Variants in LDB2 observed in about 807,000 individuals in gnomAD.
The protein encoded by LDB2 is LIM domain-binding protein 2.
In LDB2, 12 loss-of-function variants were observed where a neutral mutation model predicts 44.3. The ratio of observed to expected loss-of-function variants is 0.27; its 90% confidence interval spans 0.17 to 0.44. The LOEUF is 0.44. LDB2 is among the 20% of genes least tolerant of loss of function. The probability of loss-of-function intolerance (pLI) is 1.00; values close to 1 mark genes in which losing one functional copy is unlikely to be tolerated. For missense variants in LDB2, 344 were observed against 473.5 expected (o/e 0.73, Z 2.54); for synonymous variants, 164 against 174.8 (o/e 0.94, Z 0.49).
intron 5 of LDB2, among the ~76,000 whole-genome samples, chr4:16,550,050 A>T (rs1560442385): frequency 6.6e-6 from 1 of 152,188 alleles, no homozygotes; most frequent in Non-Finnish European, 1.5e-5. Flanking sequence ...TTCTTAAACA[A>T]TGTGATGTCC....
rs117657097 is a variant in LDB2, at chr4:16,850,404, G to A, written c.132+47950C>T. The stretch of plus-strand genomic sequence containing the variant: ...ATTTGATGGTTATATCTACATTATA[G>A]AAATATTGAGAAGATTAAGTAAATT... On this transcript the variant is annotated intron_variant, in intron 1 of 7. Transcript: ENST00000304523. Among the ~76,000 whole-genome samples, 966 of 152,154 alleles carry A rather than the reference G, an allele frequency of 6.3e-3. 10 individuals are homozygous for A. The highest frequency in any genetic ancestry group is 0.017 in the African/African-American group (723 of 41,520).
At chr4:16,644,072 C>T (rs1382425956) in intron 2 of LDB2, among the ~76,000 whole-genome samples, 1 of 152,208 alleles carries the variant, frequency 6.6e-6, no homozygotes, top group Non-Finnish European at 1.5e-5. Flanking sequence ...ACTCTCACAG[C>T]ACAGCTGTCT....
intron 2 of LDB2, among the ~76,000 whole-genome samples, chr4:16,724,195 T>C (rs766985147): frequency 6.6e-6 from 1 of 152,040 alleles, no homozygotes; most frequent in African/African-American, 2.4e-5. Flanking sequence ...CCAAAGTCCA[T>C]CTCTGGTCAG....
chr4:16,772,515 C>T (rs770279910), intron 1 of LDB2, among the ~76,000 whole-genome samples: 14 of 152,174 alleles, frequency 9.2e-5, no homozygotes, highest in Non-Finnish European at 1.8e-4. Flanking sequence ...TGATTACAAC[C>T]ACATCATAGA....
intron 1 of LDB2, among the ~76,000 whole-genome samples, chr4:16,809,198 C>T (rs970634594): frequency 1.3e-5 from 2 of 152,186 alleles, no homozygotes; most frequent in Admixed American, 6.5e-5. Context: ...GAAACAGCTA[C>T]ATTGACCAGA....
chr4:16,765,227 C>A (rs1001111347), intron 1 of LDB2, among the ~76,000 whole-genome samples: 7 of 152,184 alleles, frequency 4.6e-5, no homozygotes, highest in Admixed American at 4.6e-4. Context: ...AACATTCTTA[C>A]CACACCAGAA....
At chr4:16,525,171 G>T (rs4698154) in intron 5 of LDB2, among the ~76,000 whole-genome samples, 68,603 of 151,974 alleles carry the variant, frequency 0.45, 15,696 homozygotes, top group Non-Finnish European at 0.49. Context: ...AAAGACAGCT[G>T]TGTGCTGGGG....
At chr4:16,732,476 G>A (rs540268358) in intron 2 of LDB2, among the ~76,000 whole-genome samples, 12 of 152,188 alleles carry the variant, frequency 7.9e-5, no homozygotes, top group African/African-American at 2.6e-4. Flanking sequence ...AACTTATATC[G>A]AACAAATCAC....
At chr4:16,851,830 C>A (rs1328528360) in intron 1 of LDB2, among the ~76,000 whole-genome samples, 2 of 152,124 alleles carry the variant, frequency 1.3e-5, no homozygotes, top group South Asian at 2.1e-4. Flanking sequence ...AGAAATCAAG[C>A]AATGTCTCCA....
At chr4:16,739,282 C>T (rs542662352) in intron 2 of LDB2, among the ~76,000 whole-genome samples, 4 of 151,742 alleles carry the variant, frequency 2.6e-5, no homozygotes, top group South Asian at 2.1e-4. Flanking sequence ...TAAGTCATTA[C>T]GATTTCAAAA....
intron 2 of LDB2, among the ~76,000 whole-genome samples, chr4:16,692,069 A>G (rs1258827814): frequency 1.3e-5 from 2 of 152,170 alleles, no homozygotes; most frequent in Non-Finnish European, 1.5e-5. Flanking sequence ...ACAGTATTGA[A>G]TTATCATAAA....
At chr4:16,708,815 C>A (rs887440876) in intron 2 of LDB2, among the ~76,000 whole-genome samples, 2 of 151,990 alleles carry the variant, frequency 1.3e-5, no homozygotes, top group Non-Finnish European at 2.9e-5. Flanking sequence ...AGCTATCTTT[C>A]CCCCAACACC....
At chr4:16,849,605 T>A (rs17759073) in intron 1 of LDB2, among the ~76,000 whole-genome samples, 1 of 152,094 alleles carries the variant, frequency 6.6e-6, no homozygotes, top group Non-Finnish European at 1.5e-5. Context: ...TCTGGTCCAA[T>A]TGATGTATTA....
chr4:16,575,356 T>C (rs1747912395), intron 5 of LDB2, among the ~76,000 whole-genome samples: 1 of 151,910 alleles, frequency 6.6e-6, no homozygotes, highest in Admixed American at 6.6e-5. Flanking sequence ...ACATAATGCT[T>C]AAAAAAAATA....
At chr4:16,780,884 A>C (rs1305290863) in intron 1 of LDB2, among the ~76,000 whole-genome samples, 4 of 152,210 alleles carry the variant, frequency 2.6e-5, no homozygotes, top group Admixed American at 2.6e-4. Flanking sequence ...TAAGCAATTT[A>C]TCCACAGTGA....
At chr4:16,804,486 G>T (rs1354678695) in intron 1 of LDB2, among the ~76,000 whole-genome samples, 1 of 152,078 alleles carries the variant, frequency 6.6e-6, no homozygotes, top group Non-Finnish European at 1.5e-5. Flanking sequence ...CTACTTTATT[G>T]TGTTTGATTT....
intron 2 of LDB2, among the ~76,000 whole-genome samples, chr4:16,601,670 T>A (rs1299443426): frequency 6.6e-6 from 1 of 152,132 alleles, no homozygotes; most frequent in Non-Finnish European, 1.5e-5. Context: ...GTTGGCTAAA[T>A]CTGGGTAGTT....
Position 16,685,612 on chromosome 4 carries a change from G to A in LDB2, c.235+73546C>T, listed in dbSNP as rs75489172. Among the ~76,000 whole-genome samples, 105 of 152,240 alleles carry A rather than the reference G, an allele frequency of 6.9e-4. 2 individuals are homozygous for A. In the East Asian group the frequency reaches 0.012, roughly 17 times the overall value. ...GTAGCAGGGGGAAGGAAGCAGATTC[G>A]ATGTCCCAATGTGAATGGAATCCAA... On this transcript the variant is annotated intron_variant, in intron 2 of 7. Transcript: ENST00000304523.
intron 2 of LDB2, among the ~76,000 whole-genome samples, chr4:16,732,423 G>A (rs142058989): frequency 2.0e-5 from 3 of 152,172 alleles, no homozygotes; most frequent in South Asian, 2.1e-4. Context: ...CTTCACTTTC[G>A]GAGCCCAAGG....
Sources: allele counts gnomAD v4.1 joint callset (sites outside exome capture counted in the v4.1 genomes callset), GRCh38; gene constraint gnomAD v4.1.1; transcripts MANE v1.5; gene names NCBI Gene and HGNC (gene_info 2026-07-23, HGNC 2026-07-21).